Variants in PLEKHD1 observed in about 807,000 individuals in gnomAD.
PLEKHD1 encodes pleckstrin homology and coiled-coil domain containing D1.
Under a neutral mutation model 69.2 loss-of-function variants are expected in PLEKHD1, and 51 were observed. That is an observed-to-expected ratio of 0.74 (90% CI 0.59 to 0.93). The LOEUF is 0.93. Among genes scored for constraint, PLEKHD1 ranks in the 40% least tolerant of loss-of-function variants. The pLI, the probability that PLEKHD1 is intolerant of heterozygous loss-of-function variation, is 0.00. For synonymous variants in PLEKHD1, 236 were observed against 244.7 expected (o/e 0.96, Z 0.33); for missense variants, 584 against 641.0 (o/e 0.91, Z 0.96).
rs1363027026 is a variant in PLEKHD1, at chr14:69,527,908, CGGT to C, written c.1328_1330del (p.Arg443_Ser444delinsPro). The C allele has an allele frequency of 1.9e-6, 3 of 1,551,590 alleles. No individual in the cohort carries two copies. The Admixed American group carries it at 5.9e-5, about 30-fold the overall frequency. On this transcript the variant is annotated inframe_deletion, in exon 12 of 13. Transcript: ENST00000322564. ...CAAGAGCTGCCGCTTCCACCGACGC[CGGT>C]CCAGCACCTCCTGGAATGACAGTGA... is the stretch of plus-strand genomic sequence containing the variant.
chr14:69,502,689 C>T, intron 5 of PLEKHD1, 138 bp from the exon 6 acceptor site: 1 of 1,084,848 alleles, frequency 9.2e-7, no homozygotes. Flanking sequence ...GGCCCACCCT[C>T]TGGCTGGCAG....
At chr14:69,502,708 G>A in intron 5 of PLEKHD1, 119 bp from the exon 6 acceptor site, 1 of 1,314,834 alleles carries the variant, frequency 7.6e-7, no homozygotes, top group Non-Finnish European at 1.1e-6. Flanking sequence ...AGGGCTGCAG[G>A]CCCCTTCCTT....
intron 5 of PLEKHD1, 81 bp from the exon 6 acceptor site, chr14:69,502,739 GCGACCAC>G: frequency 6.6e-7 from 1 of 1,516,812 alleles, no homozygotes; most frequent in Non-Finnish European, 8.9e-7. Context: ...GGGGGTGACA[GCGACCAC>G]CTCAGGCACC....
chr14:69,524,313 G>A lies in PLEKHD1; in HGVS notation c.735G>A (p.Gln245=). 1 of 1,551,524 alleles carries A rather than the reference G, an allele frequency of 6.4e-7. No individual in the cohort carries two copies. The highest frequency in any genetic ancestry group is 8.7e-7 in the Non-Finnish European group (1 of 1,146,908). Reference sequence around the variant, plus strand: ...GGCACCTCACGGAGTCCTTGCAGCAGACACTGGAGGTGAGGGGCTGCTGGT... The same window carrying A: ...GGCACCTCACGGAGTCCTTGCAGCAAACACTGGAGGTGAGGGGCTGCTGGT... ...ELRHLTESLQ[Q]TLEELSIEKK... is the part of the protein sequence containing the mutation. The change falls in exon 8 of 13, where the codon CAG becomes CAA. Residue 245 remains glutamine (Q), a synonymous_variant. Transcript: ENST00000322564.
Position 69,526,678 on chromosome 14 carries a change from G to A in PLEKHD1, c.924-19G>A. 2 of 1,473,496 alleles carry A rather than the reference G, an allele frequency of 1.4e-6. No individual in the cohort carries two copies. The highest frequency in any genetic ancestry group is 1.4e-5 in the South Asian group (1 of 72,714). 91.3% of individuals were successfully genotyped at this position (1,473,496 alleles called of 1,614,324 possible). On this transcript the variant is annotated intron_variant, in intron 9 of 12. Transcript: ENST00000322564. ...TTTGGCGAGTGAGCATTGAGAAAGT[G>A]CCTCTTCTGTCCCTACAGGATGAAG...
At chr14:69,514,511 A>T (rs1883339711) in intron 6 of PLEKHD1, among the ~76,000 whole-genome samples, 1 of 151,362 alleles carries the variant, frequency 6.6e-6, no homozygotes, top group Non-Finnish European at 1.5e-5. Flanking sequence ...TAATACATTA[A>T]TCTTAGTTTG....
At chr14:69,482,907 GAAAGAAAGAAAA>G (rs1482035132), upstream of PLEKHD1, among the ~76,000 whole-genome samples, 147 of 141,302 alleles carry the variant, frequency 1.0e-3, 2 homozygotes, top group East Asian at 1.2e-3. Context: ...AAAAAAAAAA[GAAAGAAAGAAAA>G]AAAGAAAGAA....
chr14:69,510,849 A>G (rs769945282), intron 6 of PLEKHD1, among the ~76,000 whole-genome samples: 3 of 152,190 alleles, frequency 2.0e-5, no homozygotes, highest in Non-Finnish European at 2.9e-5. Flanking sequence ...CTTATCAGGC[A>G]AGCTTCTAGT....
Position 69,506,891 on chromosome 14 carries a change from CTTTTTTTTTT to C in PLEKHD1, c.555+4031_555+4040del, listed in dbSNP as rs1162412450. On this transcript the variant is annotated intron_variant, in intron 6 of 12. Coordinates refer to ENST00000322564, the MANE Select transcript of PLEKHD1 (RefSeq NM_001161498.2). ...ACTGTCCTAAAAATCCTGGCAACTG[CTTTTTTTTTT>C]TTTTTTTTTTTTTTTTTTAAAGACG... Among the ~76,000 whole-genome samples, 102 of 78,066 alleles carry C rather than the reference CTTTTTTTTTT, an allele frequency of 1.3e-3. 2 individuals are homozygous for C. The highest frequency in any genetic ancestry group is 1.6e-3 in the Non-Finnish European group (68 of 43,594). 51.2% of individuals were successfully genotyped at this position (78,066 alleles called of 152,430 possible). A position where few individuals can be genotyped will look rare whatever the true frequency, so the allele number is the denominator to read the frequency against.
chr14:69,508,355 G>T (rs1035501798), intron 6 of PLEKHD1, among the ~76,000 whole-genome samples: 1 of 151,608 alleles, frequency 6.6e-6, no homozygotes, highest in Non-Finnish European at 1.5e-5. Flanking sequence ...ACAGTGAGCC[G>T]AGATTGTGCC....
chr14:69,523,533 C>T (rs1359912237), intron 7 of PLEKHD1, among the ~76,000 whole-genome samples: 1 of 152,130 alleles, frequency 6.6e-6, no homozygotes, highest in Non-Finnish European at 1.5e-5. Flanking sequence ...AAGACAAGTC[C>T]ACTCCCTTGA....
intron 6 of PLEKHD1, among the ~76,000 whole-genome samples, chr14:69,513,599 C>T (rs550266251): frequency 9.2e-4 from 140 of 152,338 alleles, no homozygotes; most frequent in Non-Finnish European, 1.6e-3. Flanking sequence ...AGCTAAGTTA[C>T]AGTTCATCCA....
chr14:69,502,129 T>A (rs972509896), intron 5 of PLEKHD1: 1 of 238,178 alleles, frequency 4.2e-6, no homozygotes, highest in Admixed American at 5.0e-5. Flanking sequence ...AATTTCCTCA[T>A]CCTTAAAATC....
intron 6 of PLEKHD1, among the ~76,000 whole-genome samples, chr14:69,513,080 A>G (rs1053702709): frequency 6.6e-6 from 1 of 151,928 alleles, no homozygotes; most frequent in Non-Finnish European, 1.5e-5. Flanking sequence ...GACCCTGGGC[A>G]TGGTGGTGCA....
chr14:69,488,905 C>A (rs959975414), intron 1 of PLEKHD1, among the ~76,000 whole-genome samples: 1 of 152,168 alleles, frequency 6.6e-6, no homozygotes, highest in African/African-American at 2.4e-5. Flanking sequence ...CTACCCATCA[C>A]CCTCTTCCCT....
At position 69,527,770 on chromosome 14, in the gene PLEKHD1, C is replaced by T. The variant is rs1453571614; in HGVS notation, c.1202-13C>T. 3 of 1,551,320 alleles carry T rather than the reference C, an allele frequency of 1.9e-6. No homozygotes were observed. Among genetic ancestry groups the T allele is most frequent in the Admixed American group, 2.0e-5 (1 of 50,994 alleles). On this transcript the variant is annotated splice_polypyrimidine_tract_variant and intron_variant, in intron 11 of 12. Transcript: ENST00000322564. Reference sequence around the variant, plus strand: ...CAGTCGGAACCCCACCCTTCCTGGCCCTGCCGCCACAGGGTTCTTTGAGGA... The same window carrying T: ...CAGTCGGAACCCCACCCTTCCTGGCTCTGCCGCCACAGGGTTCTTTGAGGA...
intron 8 of PLEKHD1, 107 bp from the exon 9 acceptor site, chr14:69,525,837 G>C: frequency 9.4e-7 from 1 of 1,059,046 alleles, no homozygotes; most frequent in Non-Finnish European, 1.4e-6. Flanking sequence ...GGCCATAGAG[G>C]ACTGAGAGAG....
At chr14:69,476,767 G>A in the PLEKHD1 span, among the ~76,000 whole-genome samples, 9 of 152,266 alleles carry the variant, frequency 5.9e-5, no homozygotes, top group South Asian at 2.1e-4. Flanking sequence ...GTGAGTGAGC[G>A]CGGACAGGGG....
In PLEKHD1 at chr14:69,484,915, C is replaced by G. The variant is rs1882619397; in HGVS notation, c.-51C>G. On this transcript the variant is annotated 5_prime_UTR_variant, in exon 1 of 13. Coordinates refer to ENST00000322564, the MANE Select transcript of PLEKHD1 (RefSeq NM_001161498.2). Reference sequence around the variant, plus strand: ...CCTCGCCTCTCGCCCCGAGTCCCTGCTGACCCCGGGGAGGTGGGGTCCGGG... The same window carrying G: ...CCTCGCCTCTCGCCCCGAGTCCCTGGTGACCCCGGGGAGGTGGGGTCCGGG... 1 of 1,534,240 alleles carries G rather than the reference C, an allele frequency of 6.5e-7. No homozygotes were observed. Among genetic ancestry groups the G allele is most frequent in the Non-Finnish European group, 8.8e-7 (1 of 1,136,100 alleles).
Sources: allele counts gnomAD v4.1 joint callset (sites outside exome capture counted in the v4.1 genomes callset), GRCh38; gene constraint gnomAD v4.1.1; transcripts MANE v1.5; gene names NCBI Gene and HGNC (gene_info 2026-07-23, HGNC 2026-07-21).